Variants in ABCB10 observed in about 807,000 individuals in gnomAD.
The protein encoded by ABCB10 is ATP-binding cassette sub-family B member 10, mitochondrial.
Under a neutral mutation model 65.4 loss-of-function variants are expected in ABCB10, and 54 were observed. The observed-to-expected ratio is 0.83, with a 90% CI of 0.66 to 1.04. The LOEUF (loss-of-function observed/expected upper bound fraction) is 1.04, where lower values mean the gene tolerates loss of function less well. ABCB10 is among the 50% of genes least tolerant of loss of function. The pLI is 0.00. For missense variants in ABCB10, 846 were observed against 976.6 expected (o/e 0.87, Z 1.78); for synonymous variants, 418 against 406.5 (o/e 1.03, Z -0.34).
intron 1 of ABCB10, chr1:229,549,883 A>T: frequency 5.6e-6 from 1 of 179,116 alleles, no homozygotes; most frequent in Non-Finnish European, 1.2e-5. Context: ...CCTTGATTAC[A>T]TCTAGTATCT....
chr1:229,548,904 A>G (rs1300065275), intron 2 of ABCB10, among the ~76,000 whole-genome samples: 4 of 151,542 alleles, frequency 2.6e-5, no homozygotes, highest in Non-Finnish European at 5.9e-5. Context: ...CTCATGATCC[A>G]CCTGCCTCAG....
At chr1:229,549,542 G>C in intron 1 of ABCB10, 108 bp from the exon 2 acceptor site, 1 of 1,051,568 alleles carries the variant, frequency 9.5e-7, no homozygotes. Context: ...AGTATGCGTT[G>C]ATCTCAGTCT....
chr1:229,517,980 A>C lies in ABCB10; in HGVS notation c.*199T>G, dbSNP rs747338384. On this transcript the variant is annotated 3_prime_UTR_variant, in exon 13 of 13. Coordinates refer to ENST00000344517, the MANE Select transcript of ABCB10 (RefSeq NM_012089.3). The stretch of plus-strand genomic sequence containing the variant: ...ACTTCAGTGCTATAGACATTTAAAA[A>C]GTTACAATTATTAAAACTCTGAATA... The C allele has an allele frequency of 4.2e-5, 24 of 567,404 alleles. No individual in the cohort carries two copies. The highest frequency in any genetic ancestry group is 6.5e-5 in the Non-Finnish European group (21 of 321,196). 35.1% of individuals were successfully genotyped at this position (567,404 alleles called of 1,614,324 possible).
At chr1:229,534,868 T>C (rs1469763829) in intron 6 of ABCB10, among the ~76,000 whole-genome samples, 1 of 47,846 alleles carries the variant, frequency 2.1e-5, no homozygotes, top group Non-Finnish European at 3.8e-5. Flanking sequence ...CAAGACTCCA[T>C]CTCAAAAAAA....
chr1:229,527,443 C>G (rs1662472068), intron 8 of ABCB10, 135 bp from the exon 9 acceptor site: 1 of 736,112 alleles, frequency 1.4e-6, no homozygotes, highest in Non-Finnish European at 2.3e-6. Context: ...CAGATGGACT[C>G]TAAAACTAAC....
chr1:229,543,505 T>G (rs1466149818), intron 3 of ABCB10, among the ~76,000 whole-genome samples: 2 of 152,184 alleles, frequency 1.3e-5, no homozygotes, highest in Non-Finnish European at 2.9e-5. Context: ...CATAAGTGGA[T>G]GGATCAACCA....
chr1:229,535,386 T>C (rs1367673286), intron 6 of ABCB10, among the ~76,000 whole-genome samples: 1 of 152,186 alleles, frequency 6.6e-6, no homozygotes, highest in Admixed American at 6.5e-5. Flanking sequence ...CAATGGAATA[T>C]TATTCAGTGC....
chr1:229,540,518 A>G (rs1030811676), intron 5 of ABCB10, 88 bp downstream of exon 5: 13 of 1,306,042 alleles, frequency 1.0e-5, no homozygotes, highest in Non-Finnish European at 1.3e-5. Flanking sequence ...AATTAAAATT[A>G]TTTTCTACTT....
At chr1:229,521,543 A>G (rs747561901) in intron 11 of ABCB10, 49 bp downstream of exon 11, 6 of 1,545,476 alleles carry the variant, frequency 3.9e-6, no homozygotes, top group South Asian at 2.4e-5. Flanking sequence ...AAGGTCCCTA[A>G]TAAAAATAAT....
At chr1:229,520,340 T>C (rs1207344811) in intron 11 of ABCB10, among the ~76,000 whole-genome samples, 1 of 151,490 alleles carries the variant, frequency 6.6e-6, no homozygotes, top group African/African-American at 2.4e-5. Flanking sequence ...TGTGGTGGCG[T>C]GCATCTGTGA....
In ABCB10 at chr1:229,539,323, T is replaced by C. The variant is rs955665978; in HGVS notation, c.1339+133A>G. On this transcript the variant is annotated intron_variant, in intron 6 of 12. Transcript: ENST00000344517. ...CATTTTACTTCTTTAAAAGCCCAGTTGGAATAATAACATTCTAGGAAATGC... is the reference window on the plus strand; with the variant it reads ...CATTTTACTTCTTTAAAAGCCCAGTCGGAATAATAACATTCTAGGAAATGC... 23 of 1,344,148 alleles carry C rather than the reference T, an allele frequency of 1.7e-5. No individual in the cohort carries two copies. In the Admixed American group the frequency reaches 4.0e-4, roughly 23 times the overall value. The allele number at this position is 1,344,148 out of a possible 1,614,324, so 83.3% of individuals were successfully genotyped here. A position where few individuals can be genotyped will look rare whatever the true frequency, so the allele number is the denominator to read the frequency against.
intron 1 of ABCB10, 65 bp from the exon 2 acceptor site, chr1:229,549,499 A>C: frequency 6.8e-7 from 1 of 1,475,388 alleles, no homozygotes; most frequent in African/African-American, 1.4e-5. Flanking sequence ...TGCTGAGTCC[A>C]GGAGGCTTCC....
chr1:229,558,004 G>A (rs1393649510), intron 1 of ABCB10, 132 bp downstream of exon 1: 8 of 1,013,874 alleles, frequency 7.9e-6, no homozygotes, highest in Non-Finnish European at 1.0e-5. Flanking sequence ...CTCCTCCGGG[G>A]TTAGGAGTGG....
intron 3 of ABCB10, among the ~76,000 whole-genome samples, chr1:229,543,083 A>G (rs1195543536): frequency 6.8e-6 from 1 of 146,652 alleles, no homozygotes; most frequent in Non-Finnish European, 1.5e-5. Flanking sequence ...GTGAGCCAAG[A>G]TTGAGCCACT....
Position 229,540,716 on chromosome 1 carries a change from G to T in ABCB10, c.1093C>A (p.Arg365=), listed in dbSNP as rs575887540. Reference sequence around the variant, plus strand: ...TCAGTCATTTCTTTCCCAAAAGCTCGAACAGTTCTTACATTTCCAATACGT... The same window carrying T: ...TCAGTCATTTCTTTCCCAAAAGCTCTAACAGTTCTTACATTTCCAATACGT... The part of the protein sequence containing the change: ...EERIGNVRTV[R]AFGKEMTEIE... Residue 365 remains arginine (R), a synonymous_variant, in exon 5 of 13, where the codon CGA becomes AGA. Coordinates refer to ENST00000344517, the MANE Select transcript of ABCB10 (RefSeq NM_012089.3). 1.9e-6 allele frequency: 3 copies of T among 1,613,628 alleles called. No individual in the cohort carries two copies. Among genetic ancestry groups the T allele is most frequent in the East Asian group, 2.2e-5 (1 of 44,866 alleles).
intron 1 of ABCB10, among the ~76,000 whole-genome samples, chr1:229,551,604 T>A (rs1262594071): frequency 1.3e-5 from 2 of 152,224 alleles, no homozygotes; most frequent in Admixed American, 1.3e-4. Flanking sequence ...TGGCTTAAAA[T>A]CCCATAATCA....
At chr1:229,527,347 T>C (rs1176433068) in intron 8 of ABCB10, 39 bp from the exon 9 acceptor site, 40 of 1,564,878 alleles carry the variant, frequency 2.6e-5, no homozygotes, top group Non-Finnish European at 3.4e-5. Flanking sequence ...TCACTGAGTG[T>C]GATGAGGCTG....
At chr1:229,531,785 G>T in intron 6 of ABCB10, 54 bp from the exon 7 acceptor site, 1 of 1,402,708 alleles carries the variant, frequency 7.1e-7, no homozygotes, top group Non-Finnish European at 1.0e-6. Flanking sequence ...ACTGGCACTG[G>T]CCACCACTCC....
chr1:229,528,085 A>G (rs912012033), intron 8 of ABCB10, among the ~76,000 whole-genome samples: 3 of 152,196 alleles, frequency 2.0e-5, no homozygotes, highest in Non-Finnish European at 2.9e-5. Context: ...CAGTGACAGC[A>G]TAAGAAATGC....
Sources: allele counts gnomAD v4.1 joint callset (sites outside exome capture counted in the v4.1 genomes callset), GRCh38; gene constraint gnomAD v4.1.1; transcripts MANE v1.5; gene names NCBI Gene and HGNC (gene_info 2026-07-23, HGNC 2026-07-21).